The following ST6GALNAC3 variants were observed in gnomAD, a reference collection of about 807,000 sequenced individuals.
ST6GALNAC3 encodes the protein ST6 N-acetylgalactosaminide alpha-2,6-sialyltransferase 3, also known as alpha-N-acetylgalactosaminide alpha-2,6-sialyltransferase 3.
ST6GALNAC3 carries 25 observed loss-of-function variants against 32.7 expected under a neutral mutation model. The ratio of observed to expected loss-of-function variants is 0.76; its 90% CI spans 0.56 to 1.07. ST6GALNAC3 has a LOEUF of 1.07. Ranked by LOEUF, ST6GALNAC3 falls within the 50% of genes least tolerant of loss-of-function variation. The pLI, the probability that ST6GALNAC3 is intolerant of heterozygous loss-of-function variation, is 0.00. For synonymous variants in ST6GALNAC3, 129 were observed against 133.1 expected, an observed-to-expected ratio of 0.97 and a Z score of 0.21; for missense variants, 355 against 382.4, an observed-to-expected ratio of 0.93 and a Z score of 0.60.
At chr1:76,369,020 A>G (rs12128122) in intron 2 of ST6GALNAC3, among the ~76,000 whole-genome samples, 101,769 of 151,954 alleles carry the variant, frequency 0.67, 35,383 homozygotes, top group Non-Finnish European at 0.77. Context: ...CTATGCTCCA[A>G]TGCTTAACAA....
intron 1 of ST6GALNAC3, among the ~76,000 whole-genome samples, chr1:76,150,300 A>G (rs1650960847): frequency 6.6e-6 from 1 of 152,126 alleles, no homozygotes; most frequent in South Asian, 2.1e-4. Flanking sequence ...AGTTGACTTC[A>G]ACTTTCCTCT....
intron 1 of ST6GALNAC3, among the ~76,000 whole-genome samples, chr1:76,245,223 G>C (rs1256672489): frequency 6.6e-6 from 1 of 152,176 alleles, no homozygotes; most frequent in Non-Finnish European, 1.5e-5. Flanking sequence ...TTTGTATAGA[G>C]GTGTTTATAA....
intron 3 of ST6GALNAC3, among the ~76,000 whole-genome samples, chr1:76,416,634 T>C (rs1356225074): frequency 6.8e-6 from 1 of 146,144 alleles, no homozygotes; most frequent in African/African-American, 2.5e-5. Flanking sequence ...TTTGTTTTTT[T>C]TTTTTTTTTT....
At chr1:76,341,654 T>C (rs971864254) in intron 2 of ST6GALNAC3, among the ~76,000 whole-genome samples, 3 of 145,984 alleles carry the variant, frequency 2.1e-5, no homozygotes, top group South Asian at 2.2e-4. Context: ...TCTTTCTTTC[T>C]TTCTTTCTTT....
intron 1 of ST6GALNAC3, among the ~76,000 whole-genome samples, chr1:76,137,481 T>C (rs956386764): frequency 3.3e-5 from 5 of 152,178 alleles, no homozygotes; most frequent in Admixed American, 3.3e-4. Context: ...GCACAGAATA[T>C]ATAGAGATGG....
intron 3 of ST6GALNAC3, among the ~76,000 whole-genome samples, chr1:76,423,008 C>A (rs1655137310): frequency 6.6e-6 from 1 of 151,968 alleles, no homozygotes; most frequent in Non-Finnish European, 1.5e-5. Flanking sequence ...GACAGAGAGA[C>A]AAATCACTCT....
chr1:76,083,529 C>T (rs758747003), intron 1 of ST6GALNAC3, among the ~76,000 whole-genome samples: 5 of 152,176 alleles, frequency 3.3e-5, no homozygotes, highest in Non-Finnish European at 5.9e-5. Context: ...TGAGTCCCAT[C>T]CTGGCTTTGT....
chr1:76,241,806 T>C (rs1279441748), intron 1 of ST6GALNAC3, among the ~76,000 whole-genome samples: 2 of 152,222 alleles, frequency 1.3e-5, no homozygotes, highest in Non-Finnish European at 2.9e-5. Flanking sequence ...AAATACGTTA[T>C]TAAAATGAAT....
chr1:76,545,196 G>A (rs1219986689), intron 3 of ST6GALNAC3, among the ~76,000 whole-genome samples: 4 of 152,240 alleles, frequency 2.6e-5, no homozygotes, highest in Middle Eastern at 3.4e-3. Context: ...AATTTAGGAC[G>A]GACTAAAAGT....
chr1:76,258,403 C>A (rs1214234456), intron 1 of ST6GALNAC3, among the ~76,000 whole-genome samples: 1 of 152,194 alleles, frequency 6.6e-6, no homozygotes, highest in Non-Finnish European at 1.5e-5. Context: ...TTCTTCAGAT[C>A]TTTGCTTCCT....
chr1:76,541,229 T>G (rs1374381271), intron 3 of ST6GALNAC3, among the ~76,000 whole-genome samples: 1 of 152,150 alleles, frequency 6.6e-6, no homozygotes, highest in Non-Finnish European at 1.5e-5. Flanking sequence ...AGGTTCAGAT[T>G]TATCTGCTTG....
At chr1:76,305,166 T>A (rs1660971492) in intron 1 of ST6GALNAC3, among the ~76,000 whole-genome samples, 1 of 151,970 alleles carries the variant, frequency 6.6e-6, no homozygotes, top group African/African-American at 2.4e-5. Context: ...AATAAAATGA[T>A]GGAAAGTCCT....
At chr1:76,513,772 A>G (rs12137841) in intron 3 of ST6GALNAC3, among the ~76,000 whole-genome samples, 16,733 of 152,164 alleles carry the variant, frequency 0.11, 1,064 homozygotes, top group East Asian at 0.22. Flanking sequence ...AACAATATCA[A>G]TTCTTCTAAT....
At chr1:76,510,947 A>G (rs185115509) in intron 3 of ST6GALNAC3, among the ~76,000 whole-genome samples, 18 of 152,316 alleles carry the variant, frequency 1.2e-4, no homozygotes, top group Admixed American at 1.1e-3. Flanking sequence ...TAATCATAAA[A>G]TTAAAAAAAC....
intron 3 of ST6GALNAC3, among the ~76,000 whole-genome samples, chr1:76,543,422 G>A (rs1396024538): frequency 6.6e-6 from 1 of 152,188 alleles, no homozygotes; most frequent in Non-Finnish European, 1.5e-5. Flanking sequence ...TTGGGATACT[G>A]TAGAGCCAGT....
rs2706184 is a variant in ST6GALNAC3 at position 76,210,873 on chromosome 1, A to G, written c.19-102932A>G. 4.1e-3 allele frequency among the ~76,000 whole-genome samples: 619 copies of G among 152,166 alleles called. 4 individuals are homozygous for G. Among genetic ancestry groups the G allele is most frequent in the African/African-American group, 0.015 (606 of 41,524 alleles). On this transcript the variant is annotated intron_variant, in intron 1 of 4. Transcript: ENST00000328299. ...GCAATTCTCCTGTCTCAGCCTCCCA[A>G]GTAGCTGGGGTTACAGGCACCTGTC... is the stretch of plus-strand genomic sequence containing the variant.
Position 76,628,791 on chromosome 1 carries a change from C to G in ST6GALNAC3, c.903C>G (p.Asn301Lys), listed in dbSNP as rs1440756497. 1 of 1,611,402 alleles carries G rather than the reference C, an allele frequency of 6.2e-7. No homozygotes were observed. Among genetic ancestry groups the G allele is most frequent in the Non-Finnish European group, 8.5e-7 (1 of 1,178,562 alleles). Reference protein sequence around the residue: ...KKHRIIFTHPNWTLS With the variant: ...KKHRIIFTHPKWTLS ...ACAGGATAATATTTACACATCCAAACTGGACATTGTCTTGATAATGGTTTT... is the reference window on the plus strand; with the variant it reads ...ACAGGATAATATTTACACATCCAAAGTGGACATTGTCTTGATAATGGTTTT... Residue 301 changes from asparagine (N) to lysine (K), a missense_variant, in exon 5 of 5, where the codon AAC becomes AAG. Asn to Lys is a moderately conservative substitution (Grantham distance 94). Coordinates refer to ENST00000328299, the MANE Select transcript of ST6GALNAC3 (RefSeq NM_152996.4).
intron 1 of ST6GALNAC3, among the ~76,000 whole-genome samples, chr1:76,284,901 G>A (rs1157076928): frequency 1.3e-5 from 2 of 152,128 alleles, no homozygotes; most frequent in African/African-American, 4.8e-5. Context: ...AAGGCATCCA[G>A]AGAAATGATA....
intron 3 of ST6GALNAC3, among the ~76,000 whole-genome samples, chr1:76,503,599 T>C (rs1661307358): frequency 1.3e-5 from 2 of 152,198 alleles, no homozygotes; most frequent in African/African-American, 2.4e-5. Flanking sequence ...GGTAGTCTAA[T>C]AAGATGTAGA....
Sources: gnomAD v4.1 joint callset for allele counts (sites outside exome capture counted in the v4.1 genomes callset) on GRCh38, gnomAD v4.1.1 for gene constraint, MANE v1.5 for transcripts, NCBI Gene and HGNC (gene_info 2026-07-23, HGNC 2026-07-21) for gene names.